Variants in LYPLA1 observed in about 807,000 individuals in gnomAD.
The protein encoded by LYPLA1 is acyl-protein thioesterase 1.
LYPLA1 carries 17 observed loss-of-function variants against 34.0 expected under a neutral mutation model. That is an observed-to-expected ratio of 0.50 (90% CI 0.34 to 0.75). The LOEUF is 0.75. Among genes scored for constraint, LYPLA1 ranks in the 30% least tolerant of loss-of-function variants. The probability of loss-of-function intolerance (pLI) is 0.01; values close to 1 mark genes in which losing one functional copy is unlikely to be tolerated. For missense variants in LYPLA1, 203 were observed against 288.8 expected, an observed-to-expected ratio of 0.70 and a Z score of 2.15; for synonymous variants, 98 against 100.8, an observed-to-expected ratio of 0.97 and a Z score of 0.17.
At chr8:54,048,869 C>T (rs533616497) in intron 8 of LYPLA1, among the ~76,000 whole-genome samples, 1 of 152,184 alleles carries the variant, frequency 6.6e-6, no homozygotes, top group South Asian at 2.1e-4. Flanking sequence ...TGTGAGATCA[C>T]CTCCCACTAT....
At chr8:54,097,517 G>A (rs966346301) in intron 2 of LYPLA1, among the ~76,000 whole-genome samples, 4 of 152,138 alleles carry the variant, frequency 2.6e-5, no homozygotes, top group African/African-American at 9.7e-5. Context: ...GGAACAATCT[G>A]GCAAAGGTTG....
chr8:54,060,402 G>A (rs1436377150), intron 5 of LYPLA1, among the ~76,000 whole-genome samples: 3 of 152,130 alleles, frequency 2.0e-5, no homozygotes, highest in Admixed American at 2.0e-4. Context: ...TGGGATTACA[G>A]GTGTGAGCCA....
intron 2 of LYPLA1, among the ~76,000 whole-genome samples, chr8:54,084,304 C>G (rs910388155): frequency 2.0e-5 from 3 of 151,762 alleles, no homozygotes; most frequent in African/African-American, 7.3e-5. Flanking sequence ...GGCGCGGTGG[C>G]TCACGCCTGT....
chr8:54,067,214 C>T (rs1371290717), intron 2 of LYPLA1, among the ~76,000 whole-genome samples: 2 of 151,938 alleles, frequency 1.3e-5, no homozygotes, highest in African/African-American at 4.8e-5. Context: ...CAGCAACTTT[C>T]GCTGAGCATG....
At chr8:54,084,776 T>A (rs1808580945) in intron 2 of LYPLA1, among the ~76,000 whole-genome samples, 1 of 152,136 alleles carries the variant, frequency 6.6e-6, no homozygotes, top group Non-Finnish European at 1.5e-5. Flanking sequence ...TACATGGTAA[T>A]AAATTAGATA....
intron 2 of LYPLA1, among the ~76,000 whole-genome samples, chr8:54,081,501 A>T (rs1319256165): frequency 6.6e-6 from 1 of 151,592 alleles, no homozygotes; most frequent in African/African-American, 2.4e-5. Flanking sequence ...CCCAGGATGG[A>T]GTGCAGCCTG....
chr8:54,086,397 C>G (rs1275942201), intron 2 of LYPLA1, among the ~76,000 whole-genome samples: 6 of 142,462 alleles, frequency 4.2e-5, no homozygotes, highest in Non-Finnish European at 7.6e-5. Flanking sequence ...ATCCCCCTCT[C>G]CGAGAAACAC....
chr8:54,052,640 C>T lies in LYPLA1; in HGVS notation c.462+15G>A, dbSNP rs373665362. ...TAGCTCAGTAATCTCATGTTGAGTG[C>T]ATCAACCAAGTTACCTGTGGAAAGG... is the stretch of plus-strand genomic sequence containing the variant. On this transcript the variant is annotated intron_variant, in intron 7 of 8. Coordinates refer to ENST00000316963, the MANE Select transcript of LYPLA1 (RefSeq NM_006330.4). 491 of 1,557,318 alleles carry T rather than the reference C, an allele frequency of 3.2e-4. 4 individuals carry two copies. Among genetic ancestry groups the T allele is most frequent in the South Asian group, 2.5e-3 (223 of 89,840 alleles).
chr8:54,062,115 C>T lies in LYPLA1; in HGVS notation c.286+139G>A. 3 of 588,148 alleles carry T rather than the reference C, an allele frequency of 5.1e-6. No individual in the cohort carries two copies. In the South Asian group the frequency reaches 6.1e-5, roughly 12 times the overall value. The allele number at this position is 588,148 out of a possible 1,614,324, so 36.4% of individuals were successfully genotyped here. ...TCAGGTGACCCACCCGCCTCTACTT[C>T]CCAAAGTACTGGGATTACAGGCGTG... On this transcript the variant is annotated intron_variant, in intron 5 of 8. Transcript: ENST00000316963.
intron 2 of LYPLA1, among the ~76,000 whole-genome samples, chr8:54,099,484 C>T (rs980065448): frequency 6.6e-6 from 1 of 152,068 alleles, no homozygotes; most frequent in Admixed American, 6.5e-5. Context: ...TCGAGACCAG[C>T]GTAACCAACA....
At chr8:54,067,840 C>T (rs957592476) in intron 2 of LYPLA1, among the ~76,000 whole-genome samples, 1 of 151,770 alleles carries the variant, frequency 6.6e-6, no homozygotes, top group South Asian at 2.1e-4. Context: ...CCCGCCACCA[C>T]ACCAGCTAAA....
At chr8:54,065,862 CAGTA>C (rs780094349) in intron 2 of LYPLA1, 49 bp from the exon 3 acceptor site, 15 of 1,232,558 alleles carry the variant, frequency 1.2e-5, no homozygotes, top group Admixed American at 1.7e-5. Context: ...TTTTAAATCC[CAGTA>C]AGTAAGTAGC....
At chr8:54,062,723 G>A (rs959912040) in intron 4 of LYPLA1, among the ~76,000 whole-genome samples, 1 of 152,050 alleles carries the variant, frequency 6.6e-6, no homozygotes, top group Non-Finnish European at 1.5e-5. Context: ...TGTTGGCCAG[G>A]CTGGTCCTGA....
At chr8:54,067,417 C>T (rs1422243986) in intron 2 of LYPLA1, among the ~76,000 whole-genome samples, 1 of 152,132 alleles carries the variant, frequency 6.6e-6, no homozygotes, top group Non-Finnish European at 1.5e-5. Flanking sequence ...ACGTTCAAAG[C>T]AGAACATGGA....
chr8:54,085,184 C>T (rs545233102), intron 2 of LYPLA1, among the ~76,000 whole-genome samples: 2 of 152,348 alleles, frequency 1.3e-5, no homozygotes, highest in Admixed American at 6.5e-5. Flanking sequence ...GACAGGGTTT[C>T]GCCGTGTTGG....
chr8:54,070,286 G>T (rs548909425), intron 2 of LYPLA1, among the ~76,000 whole-genome samples: 1 of 152,316 alleles, frequency 6.6e-6, no homozygotes, highest in East Asian at 1.9e-4. Context: ...CTGCAGTCCA[G>T]CCTGGGCAAC....
chr8:54,075,314 G>A (rs1347337879), intron 2 of LYPLA1, among the ~76,000 whole-genome samples: 7 of 152,232 alleles, frequency 4.6e-5, no homozygotes, highest in Non-Finnish European at 2.9e-5. Context: ...TTGGGGTAGA[G>A]GTTATGCTTG....
intron 2 of LYPLA1, among the ~76,000 whole-genome samples, chr8:54,084,165 A>ATATAT (rs1563642835): frequency 1.5e-5 from 2 of 135,274 alleles, no homozygotes; most frequent in African/African-American, 3.1e-5. Context: ...TATATATATA[A>ATATAT]AATAAAGACC....
At chr8:54,088,543 A>T (rs1324540661) in intron 2 of LYPLA1, among the ~76,000 whole-genome samples, 1 of 152,242 alleles carries the variant, frequency 6.6e-6, no homozygotes, top group Non-Finnish European at 1.5e-5. Flanking sequence ...AGCTACTATG[A>T]AAACTGTCCT....
Sources: allele counts gnomAD v4.1 joint callset (sites outside exome capture counted in the v4.1 genomes callset), GRCh38; gene constraint gnomAD v4.1.1; transcripts MANE v1.5; gene names NCBI Gene and HGNC (gene_info 2026-07-23, HGNC 2026-07-21).